The following TLR2 variants were observed in gnomAD, a reference collection of about 807,000 sequenced individuals.
TLR2 encodes the protein toll-like receptor 2.
In TLR2, 7 loss-of-function variants were observed where a neutral mutation model predicts 9.1. The observed-to-expected ratio is 0.77, with a 90% CI of 0.44 to 1.44. The LOEUF (loss-of-function observed/expected upper bound fraction) is 1.44. Ranked by LOEUF, TLR2 falls within the 40% of genes most tolerant of loss-of-function variation. The probability of loss-of-function intolerance (pLI) is 0.01; values close to 1 mark genes in which losing one functional copy is unlikely to be tolerated. For synonymous variants in TLR2, 317 were observed against 344.6 expected, an observed-to-expected ratio of 0.92 and a Z score of 0.89; for missense variants, 812 against 904.6, an observed-to-expected ratio of 0.90 and a Z score of 1.31.
At chr4:153,707,606 A>G (rs1477390875), downstream of TLR2, among the ~76,000 whole-genome samples, 3 of 152,164 alleles carry the variant, frequency 2.0e-5, no homozygotes, top group African/African-American at 7.2e-5. Context: ...AGGAAACTTG[A>G]GATTCCACAG....
In TLR2 at chr4:153,691,306, G is replaced by T. The variant is rs572304239; in HGVS notation, c.-17+3259G>T. Among the ~76,000 whole-genome samples, 4 of 152,332 alleles carry T rather than the reference G, an allele frequency of 2.6e-5. No homozygotes were observed. The East Asian group carries it at 7.7e-4, about 29-fold the overall frequency. On this transcript the variant is annotated intron_variant, in intron 2 of 2. Transcript: ENST00000642700. Reference sequence around the variant, plus strand: ...AAAGTCAGCTAAATGGGTTTGCCAAGTAAGACTATTTATAGAAGCTTGCTG... The same window carrying T: ...AAAGTCAGCTAAATGGGTTTGCCAATTAAGACTATTTATAGAAGCTTGCTG...
rs532440173 is a variant in TLR2 at position 153,685,096 on chromosome 4, A to G, written c.-163+736A>G. On this transcript the variant is annotated intron_variant, in intron 1 of 2. Coordinates refer to ENST00000642700, the MANE Select transcript of TLR2 (RefSeq NM_001318789.2). ...ACCCTGGCTCCCTAACCCAAGTCTG[A>G]CCTCTGCTCCCTGGCAGGCTTCGCC... Among the ~76,000 whole-genome samples, 46 of 151,964 alleles carry G rather than the reference A, an allele frequency of 3.0e-4. No individual in the cohort carries two copies. In the South Asian group the frequency reaches 9.2e-3, roughly 30 times the overall value.
In TLR2 at chr4:153,704,147, A is replaced by T. The variant is rs764391959; in HGVS notation, c.1240A>T (p.Asn414Tyr). Reference sequence around the variant, plus strand: ...CGGAGAGACTTTGCTCACTCTGAAAAACTTGACTAACATTGATATCAGTAA... The same window carrying T: ...CGGAGAGACTTTGCTCACTCTGAAATACTTGACTAACATTGATATCAGTAA... ...KTGETLLTLKNLTNIDISKNS... is the reference protein window; with the variant it reads ...KTGETLLTLKYLTNIDISKNS... Residue 414 changes from asparagine (N) to tyrosine (Y), a missense_variant, in exon 3 of 3, where the codon AAC (asparagine) becomes TAC (tyrosine). Coordinates refer to ENST00000642700, the MANE Select transcript of TLR2 (RefSeq NM_001318789.2). 2 of 1,613,400 alleles carry T rather than the reference A, an allele frequency of 1.2e-6. No homozygotes were observed. The highest frequency in any genetic ancestry group is 2.2e-5 in the South Asian group (2 of 90,810).
Position 153,705,278 on chromosome 4 carries a change from A to G in TLR2, c.*16A>G, listed in dbSNP as rs545266126. The G allele has an allele frequency of 2.6e-6, 4 of 1,537,948 alleles. No homozygotes were observed. The South Asian group carries it at 3.8e-5, about 15-fold the overall frequency. On this transcript the variant is annotated 3_prime_UTR_variant, in exon 3 of 3. Transcript: ENST00000642700. ...AAAGTCCTAGGTTCCCATATTTAAG[A>G]CCAGTCTTTGTCTAGTTGGGATCTT...
At chr4:153,691,051 T>C (rs1464484279) in intron 2 of TLR2, among the ~76,000 whole-genome samples, 1 of 152,196 alleles carries the variant, frequency 6.6e-6, no homozygotes, top group Non-Finnish European at 1.5e-5. Flanking sequence ...AAGCAGTCAA[T>C]ACCTCAATTA....
downstream of TLR2, chr4:153,710,502 T>G (rs1737496169): frequency 6.2e-7 from 1 of 1,608,614 alleles, no homozygotes; most frequent in Non-Finnish European, 8.5e-7. Flanking sequence ...AAATCTCAGT[T>G]AAGGAGGTTG....
chr4:153,703,043 A>T lies in TLR2; in HGVS notation c.136A>T (p.Ile46Phe), dbSNP rs1444107002. The stretch of plus-strand genomic sequence containing the variant: ...GGGCAGCTCAGGATCTTTAAACTCC[A>T]TTCCCTCAGGGCTCACAGAAGCTGT... ...CKGSSGSLNS[I>F]PSGLTEAVKS... Residue 46 changes from isoleucine (I) to phenylalanine (F), a missense_variant, in exon 3 of 3, where the codon ATT (isoleucine) becomes TTT (phenylalanine). Coordinates refer to ENST00000642700, the MANE Select transcript of TLR2 (RefSeq NM_001318789.2). 2.5e-6 allele frequency: 4 copies of T among 1,613,844 alleles called. No individual in the cohort carries two copies. Among genetic ancestry groups the T allele is most frequent in the Non-Finnish European group, 3.4e-6 (4 of 1,179,970 alleles).
Position 153,702,855 on chromosome 4 carries a change from A to G in TLR2, c.-16-37A>G, listed in dbSNP as rs1737003086. 14 of 1,534,872 alleles carry G rather than the reference A, an allele frequency of 9.1e-6. 1 individual carries two copies. In the South Asian group the frequency reaches 1.1e-4, roughly 12 times the overall value. ...AGAATTAGAATTACGATATGCTGTC[A>G]AACACAATGACTTATTTGAACCTCT... On this transcript the variant is annotated intron_variant, in intron 2 of 2. Coordinates refer to ENST00000642700, the MANE Select transcript of TLR2 (RefSeq NM_001318789.2).
rs193008582 is a variant in TLR2 at position 153,689,086 on chromosome 4, C to T, written c.-17+1039C>T. 2.1e-3 allele frequency among the ~76,000 whole-genome samples: 322 copies of T among 152,350 alleles called. 1 individual carries two copies. Among genetic ancestry groups the T allele is most frequent in the African/African-American group, 7.0e-3 (292 of 41,582 alleles). ...ACTGCTAATCTGTCTGCAGCTCCTT[C>T]AAGCACTCCAGTTCCTGGCATTAAG... On this transcript the variant is annotated intron_variant, in intron 2 of 2. Coordinates refer to ENST00000642700, the MANE Select transcript of TLR2 (RefSeq NM_001318789.2).
chr4:153,691,424 C>A (rs1736107350), intron 2 of TLR2, among the ~76,000 whole-genome samples: 1 of 152,116 alleles, frequency 6.6e-6, no homozygotes, highest in Non-Finnish European at 1.5e-5. Flanking sequence ...ATCATCGTAG[C>A]CATTTGATCC....
rs1203934158 is a variant in TLR2, at chr4:153,703,701, G to A, written c.794G>A (p.Ser265Asn). 1 of 1,613,518 alleles carries A rather than the reference G, an allele frequency of 6.2e-7. No individual in the cohort carries two copies. Among genetic ancestry groups the A allele is most frequent in the Non-Finnish European group, 8.5e-7 (1 of 1,179,866 alleles). Residue 265 changes from serine (S) to asparagine (N), a missense_variant, in exon 3 of 3, where the codon AGT becomes AAT. Ser to Asn is a conservative substitution (Grantham distance 46, BLOSUM62 1). Transcript: ENST00000642700. Reference protein sequence around the residue: ...TFRNVKITDESLFQVMKLLNQ... With the variant: ...TFRNVKITDENLFQVMKLLNQ... ...AGAAATGTGAAAATCACCGATGAAA[G>A]TTTGTTTCAGGTTATGAAACTTTTG...
chr4:153,707,413 G>A (rs576298958), downstream of TLR2, among the ~76,000 whole-genome samples: 729 of 152,292 alleles, frequency 4.8e-3, no homozygotes, highest in Non-Finnish European at 8.8e-3. Context: ...AGCAGGGCAT[G>A]GTGGCATGTG....
Position 153,704,249 on chromosome 4 carries a change from A to G in TLR2, c.1342A>G (p.Ile448Val), listed in dbSNP as rs1176944637. 5 of 1,614,108 alleles carry G rather than the reference A, an allele frequency of 3.1e-6. No individual in the cohort carries two copies. The highest frequency in any genetic ancestry group is 2.2e-5 in the East Asian group (1 of 44,898). Residue 448 changes from isoleucine to valine, a missense_variant, in exon 3 of 3, where the codon ATA (isoleucine) becomes GTA (valine). Ile to Val is a conservative substitution (Grantham distance 29). Coordinates refer to ENST00000642700, the MANE Select transcript of TLR2 (RefSeq NM_001318789.2). ...ATATTTGAACTTATCCAGCACACGA[A>G]TACACAGTGTAACAGGCTGCATTCC... Reference protein sequence around the residue: ...MKYLNLSSTRIHSVTGCIPKT... With the variant: ...MKYLNLSSTRVHSVTGCIPKT...
Position 153,702,943 on chromosome 4 carries a change from G to A in TLR2, c.36G>A (p.Gly12=), listed in dbSNP as rs1737015130. The stretch of plus-strand genomic sequence containing the variant: ...CTTTGTGGATGGTGTGGGTCTTGGG[G>A]GTCATCATCAGCCTCTCCAAGGAAG... The part of the protein sequence containing the change: ...PHTLWMVWVL[G]VIISLSKEES... The change falls in exon 3 of 3, where the codon GGG becomes GGA. Residue 12 remains glycine (G), a synonymous_variant. Coordinates refer to ENST00000642700, the MANE Select transcript of TLR2 (RefSeq NM_001318789.2). 1.2e-6 allele frequency: 2 copies of A among 1,613,638 alleles called. No homozygotes were observed. Among genetic ancestry groups the A allele is most frequent in the Non-Finnish European group, 1.7e-6 (2 of 1,179,896 alleles).
intron 2 of TLR2, among the ~76,000 whole-genome samples, chr4:153,693,587 G>A (rs759047345): frequency 9.2e-5 from 14 of 152,128 alleles, no homozygotes; most frequent in Admixed American, 3.9e-4. Context: ...CTTTTGCTTC[G>A]AAATAATGAG....
chr4:153,688,982 A>G (rs761960231), intron 2 of TLR2, among the ~76,000 whole-genome samples: 19 of 152,212 alleles, frequency 1.2e-4, no homozygotes, highest in Non-Finnish European at 1.9e-4. Flanking sequence ...TACAAAGACA[A>G]ACAACACAGA....
intron 2 of TLR2, among the ~76,000 whole-genome samples, chr4:153,694,942 T>C (rs1446747035): frequency 2.0e-5 from 3 of 152,246 alleles, no homozygotes; most frequent in Admixed American, 2.0e-4. Flanking sequence ...TGTCTTTCTG[T>C]GCCTTATTTC....
At chr4:153,700,884 C>A (rs1736839065) in intron 2 of TLR2, among the ~76,000 whole-genome samples, 1 of 152,102 alleles carries the variant, frequency 6.6e-6, no homozygotes. Flanking sequence ...TTGATTATTT[C>A]CTCAAGATGA....
chr4:153,695,084 T>G (rs1364454044), intron 2 of TLR2, among the ~76,000 whole-genome samples: 1 of 152,220 alleles, frequency 6.6e-6, no homozygotes. Flanking sequence ...AGGTGGACAC[T>G]TGGATTGCTT....
Sources: allele counts gnomAD v4.1 joint callset (sites outside exome capture counted in the v4.1 genomes callset), GRCh38; gene constraint gnomAD v4.1.1; transcripts MANE v1.5; gene names NCBI Gene and HGNC (gene_info 2026-07-23, HGNC 2026-07-21).